The following TSPAN18 variants were observed in gnomAD, a reference collection of about 807,000 sequenced individuals.
TSPAN18 encodes the protein tetraspanin-18.
Under a neutral mutation model 27.3 loss-of-function variants are expected in TSPAN18, and 14 were observed. The observed-to-expected ratio is 0.51, with a 90% confidence interval of 0.34 to 0.80. The LOEUF (loss-of-function observed/expected upper bound fraction) is 0.80, where lower values mean the gene tolerates loss of function less well. Among genes scored for constraint, TSPAN18 ranks in the 30% least tolerant of loss-of-function variants. The pLI, the probability that TSPAN18 is intolerant of heterozygous loss-of-function variation, is 0.01. For missense variants in TSPAN18, 268 were observed against 323.9 expected (o/e 0.83, Z 1.32); for synonymous variants, 143 against 136.5 (o/e 1.05, Z -0.33).
At chr11:44,812,039 G>A (rs1407725009) in intron 2 of TSPAN18, among the ~76,000 whole-genome samples, 5 of 152,160 alleles carry the variant, frequency 3.3e-5, no homozygotes, top group African/African-American at 9.7e-5. Flanking sequence ...AGGCCCTGTG[G>A]TTTCCTTCTT....
At chr11:44,761,947 T>C (rs536432069) in intron 1 of TSPAN18, among the ~76,000 whole-genome samples, 15 of 152,210 alleles carry the variant, frequency 9.9e-5, no homozygotes, top group Non-Finnish European at 1.9e-4. Flanking sequence ...ACCAGGCCAC[T>C]GGAATGTGCC....
intron 3 of TSPAN18, among the ~76,000 whole-genome samples, chr11:44,891,712 C>T (rs1244379481): frequency 6.6e-6 from 1 of 152,122 alleles, no homozygotes; most frequent in Non-Finnish European, 1.5e-5. Flanking sequence ...GACTAGGACA[C>T]AGGGACGCTT....
At chr11:44,905,414 T>G (rs1308731673) in intron 3 of TSPAN18, among the ~76,000 whole-genome samples, 1 of 152,180 alleles carries the variant, frequency 6.6e-6, no homozygotes, top group Non-Finnish European at 1.5e-5. Context: ...GCCCTTCCCC[T>G]TACTAGCTGT....
chr11:44,768,509 T>G (rs1855619900), intron 2 of TSPAN18, among the ~76,000 whole-genome samples: 1 of 152,194 alleles, frequency 6.6e-6, no homozygotes, highest in African/African-American at 2.4e-5. Context: ...TGTAATTTCT[T>G]TCAGGTTTTC....
At chr11:44,812,275 A>T (rs1291178769) in intron 2 of TSPAN18, among the ~76,000 whole-genome samples, 1 of 152,164 alleles carries the variant, frequency 6.6e-6, no homozygotes, top group African/African-American at 2.4e-5. Flanking sequence ...CAGTTCCCTG[A>T]TAGGGTTACA....
chr11:44,735,256 G>T lies in TSPAN18; in HGVS notation c.-240+7969G>T, dbSNP rs77253485. Among the ~76,000 whole-genome samples the T allele has an allele frequency of 3.9e-3, 600 of 152,376 alleles. 4 individuals carry two copies. The highest frequency in any genetic ancestry group is 7.0e-3 in the Non-Finnish European group (473 of 68,030). The stretch of plus-strand genomic sequence containing the variant: ...CTCCTGCATCCAGACCTCGGCTTCT[G>T]TGGTGCAGGGCAGCAGCTCTGAGGC... On this transcript the variant is annotated intron_variant, in intron 1 of 9. Transcript: ENST00000520358.
intron 2 of TSPAN18, among the ~76,000 whole-genome samples, chr11:44,837,136 G>A (rs1473578603): frequency 6.6e-6 from 1 of 152,206 alleles, no homozygotes; most frequent in East Asian, 1.9e-4. Context: ...ATGGATCTGG[G>A]CAAAGTATAT....
At chr11:44,823,393 C>T (rs1856968795) in intron 2 of TSPAN18, among the ~76,000 whole-genome samples, 1 of 152,200 alleles carries the variant, frequency 6.6e-6, no homozygotes, top group South Asian at 2.1e-4. Context: ...GGCTTTCTCT[C>T]CCCCGAAGTC....
At chr11:44,842,226 C>T (rs994009113) in intron 2 of TSPAN18, among the ~76,000 whole-genome samples, 2 of 152,218 alleles carry the variant, frequency 1.3e-5, no homozygotes, top group African/African-American at 4.8e-5. Flanking sequence ...CAGGTCCAAC[C>T]GTGGCTGCCC....
At chr11:44,766,036 T>C (rs748538) in intron 2 of TSPAN18, among the ~76,000 whole-genome samples, 93,619 of 152,060 alleles carry the variant, frequency 0.62, 30,932 homozygotes, top group South Asian at 0.81. Context: ...TGGTAGGTGG[T>C]TGGGGTGTGC....
At chr11:44,805,661 G>A (rs1182622119) in intron 2 of TSPAN18, among the ~76,000 whole-genome samples, 1 of 152,186 alleles carries the variant, frequency 6.6e-6, no homozygotes, top group Non-Finnish European at 1.5e-5. Flanking sequence ...AAACTGGGTG[G>A]CTCAAAACAA....
chr11:44,910,361 C>T (rs1198489491), intron 5 of TSPAN18, among the ~76,000 whole-genome samples: 1 of 152,252 alleles, frequency 6.6e-6, no homozygotes, highest in Non-Finnish European at 1.5e-5. Flanking sequence ...AGGTCCACCT[C>T]CAGGGGTGGG....
chr11:44,807,527 C>CAAAAAAAAAAAAAAAAAAA (rs59241339), intron 2 of TSPAN18, among the ~76,000 whole-genome samples: 3 of 64,474 alleles, frequency 4.7e-5, no homozygotes, highest in Non-Finnish European at 8.0e-5. Flanking sequence ...AACTCCATCT[C>CAAAAAAAAAAAAAAAAAAA]AAAAAAAAAA....
intron 2 of TSPAN18, among the ~76,000 whole-genome samples, chr11:44,812,293 T>A (rs1287477557): frequency 2.0e-5 from 3 of 152,202 alleles, no homozygotes; most frequent in Non-Finnish European, 4.4e-5. Context: ...ACAGGAGTGA[T>A]GACATGAGTG....
chr11:44,857,514 C>T (rs1307489742), intron 2 of TSPAN18, among the ~76,000 whole-genome samples: 4 of 152,244 alleles, frequency 2.6e-5, no homozygotes, highest in African/African-American at 9.6e-5. Flanking sequence ...GGATGTATTC[C>T]CCTGGTTGGA....
intron 1 of TSPAN18, among the ~76,000 whole-genome samples, chr11:44,751,171 G>A (rs1855202146): frequency 6.6e-6 from 1 of 152,202 alleles, no homozygotes; most frequent in Admixed American, 6.5e-5. Flanking sequence ...GTGCCTGCCA[G>A]CAAGTGTGGA....
At chr11:44,744,424 T>C (rs1855023388) in intron 1 of TSPAN18, among the ~76,000 whole-genome samples, 1 of 152,214 alleles carries the variant, frequency 6.6e-6, no homozygotes, top group Non-Finnish European at 1.5e-5. Flanking sequence ...GTTTCTGGCC[T>C]TCCCAGTGGT....
chr11:44,878,591 T>C (rs1858405584), intron 3 of TSPAN18, among the ~76,000 whole-genome samples: 1 of 152,236 alleles, frequency 6.6e-6, no homozygotes, highest in Non-Finnish European at 1.5e-5. Flanking sequence ...TACTTCTTCC[T>C]GAACCAGAGG....
intron 3 of TSPAN18, among the ~76,000 whole-genome samples, chr11:44,882,199 C>T (rs544733012): frequency 2.6e-5 from 4 of 152,310 alleles, no homozygotes; most frequent in South Asian, 2.1e-4. Flanking sequence ...GCCTCCCATT[C>T]CCCTAGAAGC....
Sources: gnomAD v4.1 joint callset for allele counts (sites outside exome capture counted in the v4.1 genomes callset) on GRCh38, gnomAD v4.1.1 for gene constraint, MANE v1.5 for transcripts, NCBI Gene and HGNC (gene_info 2026-07-23, HGNC 2026-07-21) for gene names.